Variants in CPLANE1 observed in about 807,000 individuals in gnomAD.
CPLANE1 encodes the protein ciliogenesis and planar polarity effector 1.
In CPLANE1, 263 loss-of-function variants were observed where a neutral mutation model predicts 362.5. The ratio of observed to expected loss-of-function variants is 0.73; its 90% confidence interval spans 0.66 to 0.80. The LOEUF is 0.80. Among genes scored for constraint, CPLANE1 ranks in the 30% least tolerant of loss-of-function variants. The probability of loss-of-function intolerance (pLI) is 0.00; values close to 1 mark genes in which losing one functional copy is unlikely to be tolerated. For missense variants in CPLANE1, 3,461 were observed against 3,793.4 expected, an observed-to-expected ratio of 0.91 and a Z score of 2.30; for synonymous variants, 1,212 against 1,302.6, an observed-to-expected ratio of 0.93 and a Z score of 1.50.
In CPLANE1 at chr5:37,144,713, C is replaced by T. The variant is rs556554064; in HGVS notation, c.8462-2233G>A. Reference sequence around the variant, plus strand: ...AAAAATACAAAAAATTAGCCGGGCGCGGTGGCGGGCACCTGTAGTCCCAGC... The same window carrying T: ...AAAAATACAAAAAATTAGCCGGGCGTGGTGGCGGGCACCTGTAGTCCCAGC... On this transcript the variant is annotated intron_variant, in intron 43 of 52. Coordinates refer to ENST00000651892, the MANE Select transcript of CPLANE1 (RefSeq NM_001384732.1). Among the ~76,000 whole-genome samples the T allele has an allele frequency of 1.3e-4, 19 of 150,932 alleles. 1 individual carries two copies. In the South Asian group the frequency reaches 2.3e-3, roughly 18 times the overall value.
At chr5:37,205,262 T>G (rs559706887) in intron 18 of CPLANE1, 53 bp downstream of exon 18, 1 of 1,340,092 alleles carries the variant, frequency 7.5e-7, no homozygotes, top group Non-Finnish European at 9.9e-7. Context: ...TTTTAAGGTA[T>G]TATAAGGTTT....
chr5:37,104,404 G>T (rs1046370349), downstream of CPLANE1, among the ~76,000 whole-genome samples: 1 of 151,544 alleles, frequency 6.6e-6, no homozygotes, highest in African/African-American at 2.4e-5. Flanking sequence ...TAAGAGACCA[G>T]CCTGGCCAAC....
At chr5:37,206,490 G>C in intron 16 of CPLANE1, 65 bp from the exon 17 acceptor site, 2 of 1,032,484 alleles carry the variant, frequency 1.9e-6, no homozygotes, top group Admixed American at 2.1e-5. Context: ...CTTTACATGG[G>C]CATATTTATC....
At chr5:37,100,401 C>T in the CPLANE1 span, among the ~76,000 whole-genome samples, 124 of 152,170 alleles carry the variant, frequency 8.1e-4, no homozygotes, top group African/African-American at 2.9e-3. Flanking sequence ...TCAGGTTTGT[C>T]GAAGATCAGA....
intron 44 of CPLANE1, chr5:37,141,851 A>G (rs1769834903): frequency 1.1e-6 from 1 of 876,828 alleles, no homozygotes; most frequent in African/African-American, 1.8e-5. Context: ...AATCTCCTCA[A>G]CTGTAAAATG....
At chr5:37,213,224 T>C (rs1330016958) in intron 16 of CPLANE1, among the ~76,000 whole-genome samples, 2 of 152,044 alleles carry the variant, frequency 1.3e-5, no homozygotes, top group East Asian at 3.8e-4. Context: ...AAAGAAAAGA[T>C]TGTTTGAGGC....
At chr5:37,192,950 C>T (rs959071458) in intron 21 of CPLANE1, among the ~76,000 whole-genome samples, 4 of 150,914 alleles carry the variant, frequency 2.7e-5, no homozygotes, top group East Asian at 3.9e-4. Flanking sequence ...AGGTGGATCA[C>T]GAGGTCAGGA....
At chr5:37,244,944 G>A (rs1739015611) in intron 4 of CPLANE1, among the ~76,000 whole-genome samples, 1 of 151,952 alleles carries the variant, frequency 6.6e-6, no homozygotes, top group African/African-American at 2.4e-5. Context: ...GAGGTCAGGA[G>A]ATCAAGACCA....
chr5:37,158,027 A>G (rs1433196726), intron 39 of CPLANE1, 159 bp from the exon 40 acceptor site: 13 of 769,664 alleles, frequency 1.7e-5, no homozygotes, highest in Non-Finnish European at 2.6e-5. Flanking sequence ...TAGGAAAAGG[A>G]GCAGGAAGTA....
intron 46 of CPLANE1, among the ~76,000 whole-genome samples, chr5:37,137,879 T>A (rs1029543036): frequency 1.3e-5 from 2 of 151,840 alleles, no homozygotes; most frequent in Non-Finnish European, 2.9e-5. Context: ...GAGATTTGGA[T>A]GGGGACACAG....
chr5:37,241,100 C>T (rs1800324379), intron 6 of CPLANE1, among the ~76,000 whole-genome samples: 1 of 151,608 alleles, frequency 6.6e-6, no homozygotes, highest in Non-Finnish European at 1.5e-5. Context: ...TACGTCACTG[C>T]ACTCCAGCCT....
chr5:37,153,915 C>T lies in CPLANE1; in HGVS notation c.8198G>A (p.Arg2733Gln), dbSNP rs748207149. 6 of 1,613,960 alleles carry T rather than the reference C, an allele frequency of 3.7e-6. No individual in the cohort carries two copies. Among genetic ancestry groups the T allele is most frequent in the African/African-American group, 2.7e-5 (2 of 74,898 alleles). ...DSAEDYLLWK[R>Q]LQGVSAACPA... ...GCAAGCTGCAGAGACACCTTGCAGC[C>T]GTTTCCACAATAGATAATCTTCTGC... Residue 2733 changes from arginine (R) to glutamine (Q), a missense_variant, in exon 42 of 53, where the codon CGG becomes CAG. Coordinates refer to ENST00000651892, the MANE Select transcript of CPLANE1 (RefSeq NM_001384732.1).
In CPLANE1 at chr5:37,158,290, C is replaced by T. The variant is rs1424328380; in HGVS notation, c.7746G>A (p.Leu2582=). 6.2e-7 allele frequency: 1 copy of T among 1,613,856 alleles called. No individual in the cohort carries two copies. Among genetic ancestry groups the T allele is most frequent in the Admixed American group, 1.7e-5 (1 of 60,006 alleles). Residue 2582 remains leucine (L), a synonymous_variant, in exon 39 of 53, where the codon CTG becomes CTA. Transcript: ENST00000651892. ...TCTCTGACATTTCACTGGAAAGCTT[C>T]AGATTTAGATAGACATCTGGGACCA... ...QLLVPDVYLN[L]KLSSEMSEKP...
At chr5:37,194,144 G>C (rs963859211) in intron 21 of CPLANE1, among the ~76,000 whole-genome samples, 1 of 151,832 alleles carries the variant, frequency 6.6e-6, no homozygotes, top group East Asian at 1.9e-4. Context: ...GGCTGGTCTC[G>C]AACTCCTGAC....
At chr5:37,202,901 C>T (rs1237794735) in intron 18 of CPLANE1, among the ~76,000 whole-genome samples, 1 of 150,710 alleles carries the variant, frequency 6.6e-6, no homozygotes, top group East Asian at 1.9e-4. Context: ...AATCTATGTC[C>T]CTATCTATTT....
intron 42 of CPLANE1, among the ~76,000 whole-genome samples, chr5:37,152,688 C>G (rs1773911730): frequency 6.6e-6 from 1 of 152,034 alleles, no homozygotes; most frequent in Non-Finnish European, 1.5e-5. Flanking sequence ...GAATTCAAGG[C>G]TAGTTCAAGC....
intron 37 of CPLANE1, 178 bp from the exon 38 acceptor site, chr5:37,162,744 A>G: frequency 2.4e-6 from 1 of 414,604 alleles, no homozygotes; most frequent in Non-Finnish European, 4.3e-6. Context: ...CAGTGGTGCA[A>G]TCTCGGCTTA....
chr5:37,243,057 T>C lies in CPLANE1; in HGVS notation c.633A>G (p.Thr211=), dbSNP rs1800925122. The C allele has an allele frequency of 6.5e-7, 1 of 1,548,548 alleles. No homozygotes were observed. The highest frequency in any genetic ancestry group is 8.7e-7 in the Non-Finnish European group (1 of 1,145,624). ...TCTCATGCCACCGAATTGCTAGAAA[T>C]GTTAACTTCAGGCATTCCCCAGAAT... ...TFYSGECLKL[T]FLAIRWHENV... is the part of the protein sequence containing the mutation. Residue 211 remains threonine (T), a synonymous_variant, in exon 6 of 53, where the codon ACA becomes ACG. Coordinates refer to ENST00000651892, the MANE Select transcript of CPLANE1 (RefSeq NM_001384732.1).
chr5:37,080,824 C>A, the CPLANE1 span, among the ~76,000 whole-genome samples: 42 of 152,152 alleles, frequency 2.8e-4, no homozygotes, highest in Admixed American at 3.3e-4. Context: ...AAGCATAAAA[C>A]TAAACCCATA....
Sources: allele counts gnomAD v4.1 joint callset (sites outside exome capture counted in the v4.1 genomes callset), GRCh38; gene constraint gnomAD v4.1.1; transcripts MANE v1.5; gene names NCBI Gene and HGNC (gene_info 2026-07-23, HGNC 2026-07-21).